CAMK1D: variants seen among roughly 807,000 people sequenced by gnomAD.
The protein encoded by CAMK1D is calcium/calmodulin-dependent protein kinase type 1D.
CAMK1D carries 9 observed loss-of-function variants against 47.7 expected under a neutral mutation model. The ratio of observed to expected loss-of-function variants is 0.19; its 90% confidence interval spans 0.11 to 0.33. The LOEUF (loss-of-function observed/expected upper bound fraction) is 0.33. CAMK1D is among the 10% of genes least tolerant of loss of function. The pLI, the probability that CAMK1D is intolerant of heterozygous loss-of-function variation, is 1.00. For synonymous variants in CAMK1D, 184 were observed against 184.9 expected, an observed-to-expected ratio of 0.99 and a Z score of 0.04; for missense variants, 291 against 488.7, an observed-to-expected ratio of 0.60 and a Z score of 3.81.
chr10:12,622,343 G>A (rs372616400), intron 2 of CAMK1D, among the ~76,000 whole-genome samples: 1 of 152,076 alleles, frequency 6.6e-6, no homozygotes, highest in Non-Finnish European at 1.5e-5. Context: ...AGGCTTTTGT[G>A]GGGGGCTGTT....
At chr10:12,788,077 T>G (rs1469135444) in intron 5 of CAMK1D, among the ~76,000 whole-genome samples, 1 of 152,244 alleles carries the variant, frequency 6.6e-6, no homozygotes, top group Admixed American at 6.5e-5. Flanking sequence ...GACACAAATA[T>G]GTAAATCTCC....
intron 1 of CAMK1D, among the ~76,000 whole-genome samples, chr10:12,524,376 C>T (rs902032129): frequency 1.1e-4 from 16 of 152,174 alleles, no homozygotes; most frequent in Non-Finnish European, 7.3e-5. Flanking sequence ...AGTGTTTCCT[C>T]TTCATAGTTT....
At chr10:12,563,657 G>A (rs570881469) in intron 2 of CAMK1D, among the ~76,000 whole-genome samples, 1 of 149,718 alleles carries the variant, frequency 6.7e-6, no homozygotes, top group South Asian at 2.1e-4. Flanking sequence ...AGAAGAGGCG[G>A]AAGGTTTGAG....
chr10:12,429,327 T>C (rs1840361509), intron 1 of CAMK1D, among the ~76,000 whole-genome samples: 1 of 151,670 alleles, frequency 6.6e-6, no homozygotes. Context: ...TCTCTTCCCC[T>C]TCCCCATTCT....
At chr10:12,387,883 A>T (rs966062944) in intron 1 of CAMK1D, among the ~76,000 whole-genome samples, 2 of 152,172 alleles carry the variant, frequency 1.3e-5, no homozygotes, top group African/African-American at 2.4e-5. Flanking sequence ...TCATTGTGAA[A>T]GACTGGGCTC....
rs547064972 is a variant in CAMK1D at position 12,564,394 on chromosome 10, T to G, written c.224+11038T>G. 2.0e-5 allele frequency among the ~76,000 whole-genome samples: 3 copies of G among 152,304 alleles called. No homozygotes were observed. The South Asian group carries it at 6.2e-4, about 32-fold the overall frequency. On this transcript the variant is annotated intron_variant, in intron 2 of 10. Coordinates refer to ENST00000619168, the MANE Select transcript of CAMK1D (RefSeq NM_153498.4). Reference sequence around the variant, plus strand: ...TGGCATGATTCATATGGCAAATGAATTATTTTAGTGAAGCTTTATTTATGA... The same window carrying G: ...TGGCATGATTCATATGGCAAATGAAGTATTTTAGTGAAGCTTTATTTATGA...
intron 2 of CAMK1D, among the ~76,000 whole-genome samples, chr10:12,656,833 C>T (rs997258985): frequency 3.3e-5 from 5 of 152,088 alleles, no homozygotes; most frequent in African/African-American, 1.2e-4. Flanking sequence ...TAATATGTTA[C>T]ATGTGTGTGT....
chr10:12,638,140 C>T (rs1051650268), intron 2 of CAMK1D, among the ~76,000 whole-genome samples: 1 of 152,150 alleles, frequency 6.6e-6, no homozygotes, highest in African/African-American at 2.4e-5. Flanking sequence ...TAACAACTCA[C>T]TCTTTGACTG....
At chr10:12,366,603 G>A (rs1837843641) in intron 1 of CAMK1D, among the ~76,000 whole-genome samples, 1 of 152,082 alleles carries the variant, frequency 6.6e-6, no homozygotes, top group African/African-American at 2.4e-5. Context: ...GGGTTGCAGT[G>A]AGCTGAGATT....
chr10:12,583,684 C>T (rs1259639036), intron 2 of CAMK1D, among the ~76,000 whole-genome samples: 1 of 151,790 alleles, frequency 6.6e-6, no homozygotes, highest in Non-Finnish European at 1.5e-5. Flanking sequence ...TCACTGCAAC[C>T]TCCGCTTCCC....
chr10:12,506,294 C>T (rs1164797327), intron 1 of CAMK1D, among the ~76,000 whole-genome samples: 1 of 152,038 alleles, frequency 6.6e-6, no homozygotes, highest in Non-Finnish European at 1.5e-5. Context: ...GTGCCATGTG[C>T]CTGTAATTCC....
intron 2 of CAMK1D, among the ~76,000 whole-genome samples, chr10:12,641,864 G>C (rs1839675320): frequency 6.6e-6 from 1 of 151,722 alleles, no homozygotes; most frequent in African/African-American, 2.4e-5. Flanking sequence ...GGCCAACATG[G>C]TGAGACCCCA....
intron 1 of CAMK1D, among the ~76,000 whole-genome samples, chr10:12,536,945 T>G (rs368162715): frequency 6.6e-6 from 1 of 152,244 alleles, no homozygotes; most frequent in South Asian, 2.1e-4. Flanking sequence ...TACATCCCTC[T>G]AGATACGTTG....
At chr10:12,607,832 G>A (rs1033371495) in intron 2 of CAMK1D, among the ~76,000 whole-genome samples, 5 of 152,116 alleles carry the variant, frequency 3.3e-5, no homozygotes, top group African/African-American at 9.7e-5. Context: ...GTGGTGGCAA[G>A]CACCTGTAGT....
At chr10:12,567,066 T>G (rs970782572) in intron 2 of CAMK1D, among the ~76,000 whole-genome samples, 4 of 152,166 alleles carry the variant, frequency 2.6e-5, no homozygotes, top group Non-Finnish European at 5.9e-5. Context: ...TTGAGGTGTA[T>G]CTAATGATTG....
intron 1 of CAMK1D, among the ~76,000 whole-genome samples, chr10:12,531,353 C>G (rs1002297494): frequency 6.6e-6 from 1 of 152,160 alleles, no homozygotes; most frequent in African/African-American, 2.4e-5. Flanking sequence ...GCATTCATCC[C>G]CCTTCTGCCC....
chr10:12,364,916 C>G (rs1837787316), intron 1 of CAMK1D, among the ~76,000 whole-genome samples: 1 of 151,840 alleles, frequency 6.6e-6, no homozygotes, highest in Non-Finnish European at 1.5e-5. Context: ...TGAGTCCCAG[C>G]TCTGCCAGTG....
chr10:12,386,857 A>T (rs1236211811), intron 1 of CAMK1D, among the ~76,000 whole-genome samples: 1 of 152,188 alleles, frequency 6.6e-6, no homozygotes, highest in Admixed American at 6.6e-5. Flanking sequence ...CACATACAAT[A>T]TAATGTTTTG....
At chr10:12,489,195 C>A (rs1834305309) in intron 1 of CAMK1D, among the ~76,000 whole-genome samples, 1 of 152,162 alleles carries the variant, frequency 6.6e-6, no homozygotes, top group African/African-American at 2.4e-5. Context: ...GCCTCGGCCT[C>A]CCAAAGTGCT....
Sources: allele counts gnomAD v4.1 joint callset (sites outside exome capture counted in the v4.1 genomes callset), GRCh38; gene constraint gnomAD v4.1.1; transcripts MANE v1.5; gene names NCBI Gene and HGNC (gene_info 2026-07-23, HGNC 2026-07-21).